ARHGAP15: variants seen among roughly 807,000 people sequenced by gnomAD.
ARHGAP15 encodes the protein Rho GTPase activating protein 15.
Under a neutral mutation model 63.7 loss-of-function variants are expected in ARHGAP15, and 51 were observed. That is an observed-to-expected ratio of 0.80 (90% CI 0.64 to 1.01). The LOEUF is 1.01. Ranked by LOEUF, ARHGAP15 falls within the 50% of genes least tolerant of loss-of-function variation. The pLI is 0.00. For synonymous variants in ARHGAP15, 191 were observed against 193.8 expected (o/e 0.99, Z 0.12); for missense variants, 560 against 564.6 (o/e 0.99, Z 0.08).
At chr2:143,325,148 T>A (rs1395503822) in intron 6 of ARHGAP15, among the ~76,000 whole-genome samples, 3 of 152,142 alleles carry the variant, frequency 2.0e-5, no homozygotes, top group African/African-American at 4.8e-5. Context: ...GAAAATTCAT[T>A]TCATATGTAG....
intron 10 of ARHGAP15, among the ~76,000 whole-genome samples, chr2:143,554,695 A>G (rs895086643): frequency 5.3e-5 from 8 of 152,178 alleles, no homozygotes; most frequent in Non-Finnish European, 1.0e-4. Flanking sequence ...GTGTAAGTGC[A>G]TGAACTTAAG....
At chr2:143,158,621 G>A (rs1029640405) in intron 2 of ARHGAP15, among the ~76,000 whole-genome samples, 2 of 151,896 alleles carry the variant, frequency 1.3e-5, no homozygotes, top group African/African-American at 4.8e-5. Flanking sequence ...GTTTCGAGAG[G>A]GGGAAGTGGT....
At chr2:143,317,233 G>C (rs1683764008) in intron 6 of ARHGAP15, among the ~76,000 whole-genome samples, 1 of 152,146 alleles carries the variant, frequency 6.6e-6, no homozygotes, top group Admixed American at 6.6e-5. Flanking sequence ...GATAAAAACA[G>C]GAAGCAAATA....
chr2:143,625,359 C>A (rs1249482531), intron 12 of ARHGAP15, among the ~76,000 whole-genome samples: 1 of 152,108 alleles, frequency 6.6e-6, no homozygotes, highest in Non-Finnish European at 1.5e-5. Flanking sequence ...AAAGCCTTCA[C>A]CCTTGTTTAA....
At chr2:143,606,057 A>AC (rs1698008059) in intron 11 of ARHGAP15, among the ~76,000 whole-genome samples, 2 of 135,928 alleles carry the variant, frequency 1.5e-5, no homozygotes, top group African/African-American at 5.5e-5. Flanking sequence ...AAAAAAAAAA[A>AC]AAAAAAAAAA....
intron 6 of ARHGAP15, among the ~76,000 whole-genome samples, chr2:143,265,095 T>C (rs1431079449): frequency 6.6e-6 from 1 of 152,162 alleles, no homozygotes; most frequent in Non-Finnish European, 1.5e-5. Context: ...GGAGGCAATA[T>C]AATTTGGCTT....
In ARHGAP15 at chr2:143,728,796, G is replaced by A. The variant is rs572818867; in HGVS notation, c.1244+25272G>A. ...AAGTGCCTCCCTCTCCATTACTGCC[G>A]CCCTCCATTAGGAGCAGATAATGCG... is the stretch of plus-strand genomic sequence containing the variant. On this transcript the variant is annotated intron_variant, in intron 13 of 13. Coordinates refer to ENST00000295095, the MANE Select transcript of ARHGAP15 (RefSeq NM_018460.4). Among the ~76,000 whole-genome samples the A allele has an allele frequency of 1.8e-4, 27 of 152,200 alleles. No homozygotes were observed. In the South Asian group the frequency reaches 3.7e-3, roughly 21 times the overall value.
chr2:143,230,713 G>A (rs920705537), intron 5 of ARHGAP15, among the ~76,000 whole-genome samples: 73 of 152,310 alleles, frequency 4.8e-4, no homozygotes, highest in African/African-American at 1.7e-3. Flanking sequence ...TAAAGGCCTA[G>A]TGGGATAGCC....
chr2:143,605,258 C>A (rs1697943650), intron 11 of ARHGAP15, among the ~76,000 whole-genome samples: 1 of 152,162 alleles, frequency 6.6e-6, no homozygotes, highest in African/African-American at 2.4e-5. Context: ...AGCCCAGCAA[C>A]TGAGGCTGAG....
At chr2:143,314,247 G>A (rs949060767) in intron 6 of ARHGAP15, among the ~76,000 whole-genome samples, 2 of 152,042 alleles carry the variant, frequency 1.3e-5, no homozygotes, top group East Asian at 1.9e-4. Context: ...TTCAACATAC[G>A]TGAATTTTAT....
chr2:143,628,491 G>A (rs1698930608), intron 12 of ARHGAP15, among the ~76,000 whole-genome samples: 1 of 152,174 alleles, frequency 6.6e-6, no homozygotes, highest in Non-Finnish European at 1.5e-5. Flanking sequence ...ACAAAGGCCA[G>A]CAGTTTATGA....
At chr2:143,754,866 G>A (rs957813792) in intron 13 of ARHGAP15, among the ~76,000 whole-genome samples, 1 of 152,190 alleles carries the variant, frequency 6.6e-6, no homozygotes, top group African/African-American at 2.4e-5. Context: ...TTGGCACTTA[G>A]GCTTTTGAAA....
intron 6 of ARHGAP15, among the ~76,000 whole-genome samples, chr2:143,323,727 T>A (rs1476204230): frequency 1.3e-5 from 2 of 150,448 alleles, no homozygotes; most frequent in African/African-American, 2.4e-5. Flanking sequence ...CTACTAAAAA[T>A]ACAAAAAAAA....
chr2:143,412,103 T>C (rs1162877277), intron 6 of ARHGAP15, among the ~76,000 whole-genome samples: 2 of 152,172 alleles, frequency 1.3e-5, no homozygotes, highest in African/African-American at 4.8e-5. Context: ...GCCAGAGAAG[T>C]GACATGATTC....
At chr2:143,658,050 T>A (rs1359951820) in intron 12 of ARHGAP15, among the ~76,000 whole-genome samples, 4 of 152,238 alleles carry the variant, frequency 2.6e-5, no homozygotes, top group African/African-American at 9.6e-5. Context: ...CAGAATCATT[T>A]GAAATTGTAA....
intron 6 of ARHGAP15, among the ~76,000 whole-genome samples, chr2:143,300,953 AC>A (rs1682865588): frequency 6.6e-6 from 1 of 151,966 alleles, no homozygotes; most frequent in African/African-American, 2.4e-5. Context: ...ATTAATGAAT[AC>A]CTTAATGTGT....
At chr2:143,157,390 T>C (rs1690122888) in intron 2 of ARHGAP15, among the ~76,000 whole-genome samples, 1 of 151,896 alleles carries the variant, frequency 6.6e-6, no homozygotes, top group Non-Finnish European at 1.5e-5. Flanking sequence ...GATTTTATCA[T>C]GCAGTTTCTC....
intron 6 of ARHGAP15, among the ~76,000 whole-genome samples, chr2:143,327,436 C>T (rs1398621585): frequency 6.6e-6 from 1 of 152,082 alleles, no homozygotes; most frequent in African/African-American, 2.4e-5. Context: ...CCTGTATAGC[C>T]AAGACAATCC....
At chr2:143,134,010 A>G (rs1573989326) in intron 1 of ARHGAP15, among the ~76,000 whole-genome samples, 1 of 152,286 alleles carries the variant, frequency 6.6e-6, no homozygotes, top group Non-Finnish European at 1.5e-5. Context: ...TGGAAATATC[A>G]TACTTAATTT....
Sources: gnomAD v4.1 joint callset for allele counts (sites outside exome capture counted in the v4.1 genomes callset) on GRCh38, gnomAD v4.1.1 for gene constraint, MANE v1.5 for transcripts, NCBI Gene and HGNC (gene_info 2026-07-23, HGNC 2026-07-21) for gene names.